BPTF: variants seen among roughly 807,000 people sequenced by gnomAD.
BPTF encodes bromodomain PHD finger transcription factor.
Under a neutral mutation model 292.5 loss-of-function variants are expected in BPTF, and 18 were observed. The observed-to-expected ratio is 0.06, with a 90% confidence interval of 0.04 to 0.09. The LOEUF is 0.09. BPTF is among the 10% of genes least tolerant of loss of function. BPTF has a pLI of 1.00. For missense variants in BPTF, 2,726 were observed against 3,498.7 expected (o/e 0.78, Z 5.57); for synonymous variants, 1,225 against 1,251.9 (o/e 0.98, Z 0.45).
At chr17:67,941,313 C>T (rs1345274109) in intron 19 of BPTF, among the ~76,000 whole-genome samples, 2 of 152,112 alleles carry the variant, frequency 1.3e-5, no homozygotes, top group Admixed American at 6.6e-5. Context: ...ATTAGCTGGG[C>T]GTGGTGGCAT....
At chr17:67,905,259 T>C (rs1264233033) in intron 9 of BPTF, among the ~76,000 whole-genome samples, 2 of 151,162 alleles carry the variant, frequency 1.3e-5, no homozygotes, top group Admixed American at 6.6e-5. Flanking sequence ...AAATACAAAA[T>C]TTGCTGGGTG....
rs138733747 is a variant in BPTF at position 67,967,892 on chromosome 17, G to A, written c.8539+1236G>A. Among the ~76,000 whole-genome samples the A allele has an allele frequency of 6.3e-4, 95 of 151,372 alleles. No individual in the cohort carries two copies. The East Asian group carries it at 0.017, about 28-fold the overall frequency. On this transcript the variant is annotated intron_variant, in intron 26 of 27. Transcript: ENST00000306378. ...TAGCTATATCAGATGGTGTCTGAGT[G>A]GAGTATTATGCAGCTTTATAAAAGA...
intron 14 of BPTF, among the ~76,000 whole-genome samples, chr17:67,923,620 C>T (rs547867626): frequency 7.2e-4 from 109 of 150,522 alleles, no homozygotes; most frequent in Non-Finnish European, 1.4e-3. Context: ...GCTGGGATTA[C>T]GGGGGTGTGC....
rs924612059 is a variant in BPTF, at chr17:67,825,709, C to G, written c.-16C>G. On this transcript the variant is annotated 5_prime_UTR_variant, in exon 1 of 28. Coordinates refer to ENST00000306378, the MANE Select transcript of BPTF (RefSeq NM_182641.4). ...CTCCCCCTTCGCTTTCCTTCTCCCC[C>G]CGCCTCGGCTCCGACATGAGGGGCC... The G allele has an allele frequency of 8.3e-5, 87 of 1,051,924 alleles. No individual in the cohort carries two copies. The highest frequency in any genetic ancestry group is 4.5e-4 in the Middle Eastern group (1 of 2,244). 65.2% of individuals were successfully genotyped at this position (1,051,924 alleles called of 1,614,324 possible). A position where few individuals can be genotyped will look rare whatever the true frequency, so the allele number is the denominator to read the frequency against.
chr17:67,929,708 G>A (rs938381958), intron 17 of BPTF, among the ~76,000 whole-genome samples: 1 of 152,208 alleles, frequency 6.6e-6, no homozygotes, highest in Non-Finnish European at 1.5e-5. Context: ...TATGGTTTAT[G>A]AAGAATAATA....
At chr17:67,900,861 T>A (rs2061785051) in intron 7 of BPTF, among the ~76,000 whole-genome samples, 1 of 151,388 alleles carries the variant, frequency 6.6e-6, no homozygotes, top group Admixed American at 6.6e-5. Context: ...AAATTAAAAT[T>A]GGCCAGGCAT....
intron 15 of BPTF, among the ~76,000 whole-genome samples, chr17:67,926,744 C>T (rs1278500092): frequency 3.3e-5 from 5 of 152,070 alleles, no homozygotes; most frequent in East Asian, 3.9e-4. Context: ...TTCTTTGCCT[C>T]CTTTTTTTTT....
intron 2 of BPTF, among the ~76,000 whole-genome samples, chr17:67,859,272 A>G (rs1171791789): frequency 1.3e-5 from 2 of 152,110 alleles, no homozygotes; most frequent in South Asian, 2.1e-4. Context: ...CAGCCCCCCT[A>G]GGAGCTGGGA....
intron 1 of BPTF, among the ~76,000 whole-genome samples, chr17:67,837,773 T>A (rs1243323442): frequency 6.6e-6 from 1 of 152,192 alleles, no homozygotes; most frequent in African/African-American, 2.4e-5. Context: ...TTAGCAGGTG[T>A]TCTTGGATAC....
chr17:67,872,561 C>T (rs1598360277), intron 3 of BPTF, among the ~76,000 whole-genome samples: 1 of 151,904 alleles, frequency 6.6e-6, no homozygotes, highest in East Asian at 1.9e-4. Context: ...TAAAAATTAG[C>T]CAGGTGTGGT....
intron 1 of BPTF, among the ~76,000 whole-genome samples, chr17:67,853,591 GTTA>G (rs894926365): frequency 2.0e-5 from 3 of 149,444 alleles, no homozygotes; most frequent in Admixed American, 1.3e-4. Flanking sequence ...CACAAATGCA[GTTA>G]TTTATTATTA....
Position 67,975,924 on chromosome 17 carries a change from T to G in BPTF, c.8692T>G (p.Phe2898Val), listed in dbSNP as rs1555693709. 6.2e-7 allele frequency: 1 copy of G among 1,612,518 alleles called. No individual in the cohort carries two copies. Among genetic ancestry groups the G allele is most frequent in the Non-Finnish European group, 8.5e-7 (1 of 1,179,632 alleles). Residue 2898 changes from phenylalanine to valine, a missense_variant, in exon 27 of 28, where the codon TTT becomes GTT. Phe to Val is a conservative substitution (Grantham distance 50, BLOSUM62 -1). This residue lies in a region of BPTF where 27 missense variants were observed against 66.1 expected (regional missense o/e 0.41). Coordinates refer to ENST00000306378, the MANE Select transcript of BPTF (RefSeq NM_182641.4). ...YQCAEVLESFFVQKLKGFKAS... is the reference protein window; with the variant it reads ...YQCAEVLESFVVQKLKGFKAS... ...GTGTGCAGAAGTTCTCGAATCATTC[T>G]TTGTACAGAAATTGAAAGGCTTCAA...
intron 3 of BPTF, among the ~76,000 whole-genome samples, chr17:67,870,931 G>A (rs989520256): frequency 4.0e-5 from 6 of 151,210 alleles, no homozygotes; most frequent in Admixed American, 2.0e-4. Context: ...CACTACGCCC[G>A]GCTAATTTTT....
At chr17:67,875,787 C>T (rs2060015418) in intron 4 of BPTF, 3 of 1,395,292 alleles carry the variant, frequency 2.2e-6, no homozygotes, top group Non-Finnish European at 2.8e-6. Flanking sequence ...TGGGGGGAAT[C>T]CTTCCCTTTT....
intron 12 of BPTF, among the ~76,000 whole-genome samples, chr17:67,919,171 C>G (rs2063256246): frequency 9.5e-6 from 1 of 105,656 alleles, no homozygotes; most frequent in Admixed American, 1.0e-4. Context: ...GACTCTGTCT[C>G]AAAATAATAA....
At position 67,959,590 on chromosome 17, in the gene BPTF, A is replaced by T. The variant is rs200495309; in HGVS notation, c.7976A>T (p.Gln2659Leu). The change falls in exon 24 of 28, where the codon CAG (glutamine) becomes CTG (leucine). Residue 2659 changes from glutamine (Q) to leucine (L), a missense_variant. Physicochemically the swap from Gln to Leu is moderately radical, Grantham distance 113. Transcript: ENST00000306378. ...LKIKKEKDLM[Q>L]LAQATAVAAP... The stretch of plus-strand genomic sequence containing the variant: ...ATTAAGAAAGAAAAAGACCTGATGC[A>T]GTTGGCTCAGGCCACAGCAGTAGCT... 1 of 1,548,912 alleles carries T rather than the reference A, an allele frequency of 6.5e-7. No homozygotes were observed. Among genetic ancestry groups the T allele is most frequent in the East Asian group, 2.3e-5 (1 of 44,440 alleles).
chr17:67,875,419 G>T (rs1262996943), intron 4 of BPTF: 4 of 515,866 alleles, frequency 7.8e-6, no homozygotes, highest in East Asian at 3.1e-5. Context: ...CAATATCCGA[G>T]AATCTACTTG....
chr17:67,978,176 G>T (rs1555695016), intron 27 of BPTF, among the ~76,000 whole-genome samples: 2 of 151,108 alleles, frequency 1.3e-5, no homozygotes, highest in Non-Finnish European at 3.0e-5. Flanking sequence ...TTTATTTAGG[G>T]ACAGGGTCTT....
chr17:67,944,411 A>C, intron 20 of BPTF, 39 bp downstream of exon 20: 1 of 1,598,908 alleles, frequency 6.3e-7, no homozygotes, highest in Non-Finnish European at 8.5e-7. Flanking sequence ...GGATGTTACT[A>C]CTACACGTGG....
Sources: gnomAD v4.1 joint callset for allele counts (sites outside exome capture counted in the v4.1 genomes callset) on GRCh38, gnomAD v4.1.1 for gene constraint, gnomAD v4.1.1 regional missense constraint, MANE v1.5 for transcripts, NCBI Gene and HGNC (gene_info 2026-07-23, HGNC 2026-07-21) for gene names.